The following ANXA13 variants were observed in gnomAD, a reference collection of about 807,000 sequenced individuals.
The protein encoded by ANXA13 is annexin A13, also known as annexin XIII.
ANXA13 carries 36 observed loss-of-function variants against 46.6 expected under a neutral mutation model. The observed-to-expected ratio is 0.77, with a 90% CI of 0.59 to 1.02. ANXA13 has a LOEUF of 1.02. Ranked by LOEUF, ANXA13 falls within the 50% of genes least tolerant of loss-of-function variation. The pLI is 0.00. For missense variants in ANXA13, 417 were observed against 396.5 expected, an observed-to-expected ratio of 1.05 and a Z score of -0.44; for synonymous variants, 163 against 152.9, an observed-to-expected ratio of 1.07 and a Z score of -0.49.
chr8:123,681,223 T>C lies in ANXA13; in HGVS notation c.*17A>G, dbSNP rs746759219. On this transcript the variant is annotated 3_prime_UTR_variant, in exon 11 of 11. Coordinates refer to ENST00000419625, the MANE Select transcript of ANXA13 (RefSeq NM_004306.4). ...CAAAGGCGGTTCCACCCTGTGTTCC[T>C]ATTGCCCTGGCTTGGCTCAGTGCAA... is the stretch of plus-strand genomic sequence containing the variant. The C allele has an allele frequency of 3.1e-6, 5 of 1,593,832 alleles. No individual in the cohort carries two copies. Among genetic ancestry groups the C allele is most frequent in the Non-Finnish European group, 4.3e-6 (5 of 1,170,794 alleles).
intron 1 of ANXA13, 140 bp from the exon 2 acceptor site, chr8:123,712,893 G>A (rs980262686): frequency 5.4e-6 from 4 of 746,136 alleles, no homozygotes; most frequent in Non-Finnish European, 9.2e-6. Flanking sequence ...GGTACATGCG[G>A]AAATCAGCTG....
Position 123,681,132 on chromosome 8 carries a change from C to A in ANXA13, c.*108G>T. 7.1e-7 allele frequency: 1 copy of A among 1,413,796 alleles called. No homozygotes were observed. The highest frequency in any genetic ancestry group is 1.6e-5 in the South Asian group (1 of 62,888). 87.6% of individuals were successfully genotyped at this position (1,413,796 alleles called of 1,614,324 possible). A position where few individuals can be genotyped will look rare whatever the true frequency, so the allele number is the denominator to read the frequency against. On this transcript the variant is annotated 3_prime_UTR_variant, in exon 11 of 11. Transcript: ENST00000419625. Reference sequence around the variant, plus strand: ...CCACTTAAGCTGCCAAGAAAGTAATCCGGGACTCTTAAGGGTTTTCGTGCG... The same window carrying A: ...CCACTTAAGCTGCCAAGAAAGTAATACGGGACTCTTAAGGGTTTTCGTGCG...
At chr8:123,717,208 C>T (rs1813772484) in intron 1 of ANXA13, among the ~76,000 whole-genome samples, 1 of 152,296 alleles carries the variant, frequency 6.6e-6, no homozygotes, top group Non-Finnish European at 1.5e-5. Context: ...GGCCATTAAC[C>T]TCTAAGCTAC....
intron 6 of ANXA13, among the ~76,000 whole-genome samples, chr8:123,695,003 C>T (rs986660323): frequency 6.6e-6 from 1 of 151,648 alleles, no homozygotes; most frequent in African/African-American, 2.4e-5. Flanking sequence ...GGGGCTGTGT[C>T]CCAGCAGGGC....
At chr8:123,730,895 G>C (rs945104380) in intron 1 of ANXA13, among the ~76,000 whole-genome samples, 1 of 152,114 alleles carries the variant, frequency 6.6e-6, no homozygotes, top group South Asian at 2.1e-4. Context: ...GGAGTTCTCC[G>C]GGCTGCATTC....
At position 123,712,401 on chromosome 8, in the gene ANXA13, A is replaced by G. The variant is rs1295638746; in HGVS notation, c.91+277T>C. 5 of 484,022 alleles carry G rather than the reference A, an allele frequency of 1.0e-5. No individual in the cohort carries two copies. The East Asian group carries it at 1.9e-4, about 19-fold the overall frequency. 30.0% of individuals were successfully genotyped at this position (484,022 alleles called of 1,614,324 possible). A position where few individuals can be genotyped will look rare whatever the true frequency, so the allele number is the denominator to read the frequency against. Reference sequence around the variant, plus strand: ...GAACAGACTAATACACCAGGATTGCATGAACTGCACTTCTCATGAAGTTTC... The same window carrying G: ...GAACAGACTAATACACCAGGATTGCGTGAACTGCACTTCTCATGAAGTTTC... On this transcript the variant is annotated intron_variant, in intron 2 of 10. Transcript: ENST00000419625.
chr8:123,684,548 G>A, intron 10 of ANXA13, 62 bp downstream of exon 10: 2 of 1,118,966 alleles, frequency 1.8e-6, no homozygotes, highest in South Asian at 2.5e-5. Context: ...ATTTGTTGAT[G>A]ACATCAGTGG....
intron 6 of ANXA13, among the ~76,000 whole-genome samples, chr8:123,694,033 A>G (rs981756314): frequency 6.7e-6 from 1 of 148,976 alleles, no homozygotes; most frequent in Non-Finnish European, 1.5e-5. Context: ...CACACACCCC[A>G]CTGACCTCTG....
intron 1 of ANXA13, among the ~76,000 whole-genome samples, chr8:123,722,445 T>C (rs972814304): frequency 1.3e-5 from 2 of 151,984 alleles, no homozygotes; most frequent in African/African-American, 4.8e-5. Context: ...AAACACTAGA[T>C]GAGACCTGAG....
chr8:123,729,291 C>T (rs559717607), intron 1 of ANXA13: 5 of 152,164 alleles, frequency 3.3e-5, no homozygotes, highest in South Asian at 2.1e-4. Context: ...GCTTCCCATA[C>T]GAGGAAAACA....
chr8:123,714,588 G>T (rs908486035), intron 1 of ANXA13, among the ~76,000 whole-genome samples: 2 of 152,166 alleles, frequency 1.3e-5, no homozygotes, highest in Non-Finnish European at 2.9e-5. Context: ...CCATCCTTGC[G>T]ATCCAAAGTG....
chr8:123,704,719 G>A (rs1813509050), intron 2 of ANXA13, among the ~76,000 whole-genome samples: 1 of 152,120 alleles, frequency 6.6e-6, no homozygotes, highest in Non-Finnish European at 1.5e-5. Context: ...TTCTTTGCGT[G>A]AAACACCTTC....
chr8:123,693,996 T>TC (rs1813287378), intron 6 of ANXA13, among the ~76,000 whole-genome samples: 1 of 152,102 alleles, frequency 6.6e-6, no homozygotes. Context: ...TTTGCCTTTT[T>TC]TTTTTTTTGT....
intron 1 of ANXA13, among the ~76,000 whole-genome samples, chr8:123,720,959 T>C (rs1457412973): frequency 6.6e-6 from 1 of 152,174 alleles, no homozygotes; most frequent in Non-Finnish European, 1.5e-5. Context: ...TACAGTTTGC[T>C]GTACTCCAGA....
Position 123,737,377 on chromosome 8 carries a change from T to C in ANXA13, c.-43A>G, listed in dbSNP as rs748594155. On this transcript the variant is annotated 5_prime_UTR_variant, in exon 1 of 11. Transcript: ENST00000419625. The stretch of plus-strand genomic sequence containing the variant: ...GGTTTTTCTGTATTTCATCAAGAGA[T>C]CAGTCCTCCTACAGGCAAAGTTTAC... The C allele has an allele frequency of 1.3e-6, 2 of 1,561,252 alleles. No homozygotes were observed. Among genetic ancestry groups the C allele is most frequent in the Non-Finnish European group, 8.8e-7 (1 of 1,136,938 alleles).
chr8:123,730,831 T>C (rs1472657542), intron 1 of ANXA13, among the ~76,000 whole-genome samples: 1 of 152,096 alleles, frequency 6.6e-6, no homozygotes, highest in East Asian at 1.9e-4. Context: ...ACATCTTACA[T>C]GGCAGCAGGG....
chr8:123,722,341 GA>G (rs761689965), intron 1 of ANXA13, among the ~76,000 whole-genome samples: 25 of 79,956 alleles, frequency 3.1e-4, no homozygotes, highest in African/African-American at 1.2e-3. Flanking sequence ...AGAAAGAAAA[GA>G]AAAGAAAGAA....
At chr8:123,705,058 A>G (rs1364497177) in intron 2 of ANXA13, among the ~76,000 whole-genome samples, 2 of 152,116 alleles carry the variant, frequency 1.3e-5, no homozygotes, top group African/African-American at 2.4e-5. Flanking sequence ...TCCACTCCTC[A>G]TCCTGTTCCT....
chr8:123,728,420 G>C (rs535125106), intron 1 of ANXA13: 1 of 152,154 alleles, frequency 6.6e-6, no homozygotes, highest in Non-Finnish European at 1.5e-5. Flanking sequence ...AATGAAGCAC[G>C]TTTCTCATTA....
Sources: allele counts gnomAD v4.1 joint callset (sites outside exome capture counted in the v4.1 genomes callset), GRCh38; gene constraint gnomAD v4.1.1; transcripts MANE v1.5; gene names NCBI Gene and HGNC (gene_info 2026-07-23, HGNC 2026-07-21).